Variants in KLF13 observed in about 807,000 individuals in gnomAD.
KLF13 encodes KLF transcription factor 13, also known as Krueppel-like factor 13.
Under a neutral mutation model 16.7 loss-of-function variants are expected in KLF13, and 8 were observed. The ratio of observed to expected loss-of-function variants is 0.48; its 90% CI spans 0.28 to 0.87. KLF13 has a LOEUF of 0.87. Ranked by LOEUF, KLF13 falls within the 40% of genes least tolerant of loss-of-function variation. The pLI, the probability that KLF13 is intolerant of heterozygous loss-of-function variation, is 0.10. For missense variants in KLF13, 447 were observed against 452.2 expected (o/e 0.99, Z 0.10); for synonymous variants, 245 against 208.4 (o/e 1.18, Z -1.51).
intron 1 of KLF13, among the ~76,000 whole-genome samples, chr15:31,387,378 G>A (rs976366101): frequency 3.3e-5 from 5 of 152,196 alleles, no homozygotes; most frequent in African/African-American, 1.2e-4. Context: ...AAAACTTGCT[G>A]AAGGCTTAGA....
At chr15:31,367,458 C>T (rs1472348345) in intron 1 of KLF13, among the ~76,000 whole-genome samples, 1 of 152,192 alleles carries the variant, frequency 6.6e-6, no homozygotes, top group Non-Finnish European at 1.5e-5. Flanking sequence ...CAACACCCAC[C>T]TTCCTCCACT....
chr15:31,418,747 C>A (rs2040286325), intron 1 of KLF13, among the ~76,000 whole-genome samples: 1 of 152,082 alleles, frequency 6.6e-6, no homozygotes, highest in Non-Finnish European at 1.5e-5. Flanking sequence ...GCTTTCCTAG[C>A]AGGATTTATG....
chr15:31,383,031 C>A (rs1250343114), intron 1 of KLF13, among the ~76,000 whole-genome samples: 1 of 152,182 alleles, frequency 6.6e-6, no homozygotes, highest in Non-Finnish European at 1.5e-5. Flanking sequence ...GGCCAGGGGA[C>A]CAGGGAGAAT....
At chr15:31,333,828 C>CAGTT (rs941454961) in intron 1 of KLF13, among the ~76,000 whole-genome samples, 5 of 152,182 alleles carry the variant, frequency 3.3e-5, no homozygotes, top group African/African-American at 9.7e-5. Context: ...GGCCCAAAGC[C>CAGTT]AGTTGTCTTG....
At chr15:31,421,763 C>A (rs2040327326) in intron 1 of KLF13, among the ~76,000 whole-genome samples, 1 of 151,984 alleles carries the variant, frequency 6.6e-6, no homozygotes, top group African/African-American at 2.4e-5. Flanking sequence ...AAACAATCAA[C>A]AAAATGGCAA....
intron 1 of KLF13, among the ~76,000 whole-genome samples, chr15:31,340,275 G>A (rs2038999524): frequency 6.6e-6 from 1 of 152,266 alleles, no homozygotes; most frequent in African/African-American, 2.4e-5. Flanking sequence ...CAGCAGCTGT[G>A]GCAGTTGCCA....
intron 2 of KLF13, among the ~76,000 whole-genome samples, chr15:31,398,072 G>A (rs945560083): frequency 2.6e-5 from 4 of 152,294 alleles, no homozygotes; most frequent in South Asian, 4.1e-4. Flanking sequence ...CTAGGCCTGC[G>A]TCTCTGCTCA....
At chr15:31,327,835 C>G (rs1238526149) in intron 1 of KLF13, 46 bp downstream of exon 1, 2 of 1,368,988 alleles carry the variant, frequency 1.5e-6, no homozygotes, top group Non-Finnish European at 1.9e-6. Flanking sequence ...ACGGGGTCGG[C>G]GCGAGCTGCC....
At chr15:31,417,021 T>C (rs998174585) in intron 1 of KLF13, among the ~76,000 whole-genome samples, 29 of 152,252 alleles carry the variant, frequency 1.9e-4, no homozygotes, top group African/African-American at 7.0e-4. Flanking sequence ...CGTGATTAGT[T>C]ATCATGAAAG....
At position 31,400,606 on chromosome 15, in the gene KLF13, C is replaced by A. The variant is rs147516536; in HGVS notation, n.530-2822C>A. On this transcript the variant is annotated intron_variant and non_coding_transcript_variant, in intron 2 of 2. Transcript: ENST00000500533. ...GGAGGTCAGAGCTGGGGGTGAGGTG[C>A]CCTGCAGGGAAATGGGGAGCCTTGG... Among the ~76,000 whole-genome samples, 753 of 152,050 alleles carry A rather than the reference C, an allele frequency of 5.0e-3. 9 individuals carry two copies. Among genetic ancestry groups the A allele is most frequent in the African/African-American group, 0.018 (728 of 41,460 alleles).
intron 2 of KLF13, among the ~76,000 whole-genome samples, chr15:31,401,391 C>T (rs760084872): frequency 2.0e-5 from 3 of 152,166 alleles, no homozygotes; most frequent in South Asian, 4.1e-4. Context: ...TTTTGTCCCC[C>T]GGGTGGGGTG....
chr15:31,420,620 A>C (rs1039091431), intron 1 of KLF13: 1 of 418,182 alleles, frequency 2.4e-6, no homozygotes, highest in African/African-American at 2.1e-5. Context: ...TTTTACCTTC[A>C]AGAAACCTAT....
intron 1 of KLF13, among the ~76,000 whole-genome samples, chr15:31,355,994 C>A (rs1595468801): frequency 2.0e-5 from 3 of 152,176 alleles, no homozygotes; most frequent in Admixed American, 2.0e-4. Context: ...TGCTGCATAG[C>A]CTCCTGGAAG....
At position 31,371,990 on chromosome 15, in the gene KLF13, C is replaced by T; in HGVS notation, c.578-20C>T. ...GCGGGGCCAGGTGCGGATACTGATG[C>T]TCTGCCCCTGTGCCCACAGGTGAGA... is the stretch of plus-strand genomic sequence containing the variant. On this transcript the variant is annotated intron_variant, in intron 1 of 1. Coordinates refer to ENST00000307145, the MANE Select transcript of KLF13 (RefSeq NM_015995.4). 1 of 1,584,936 alleles carries T rather than the reference C, an allele frequency of 6.3e-7. No homozygotes were observed. The highest frequency in any genetic ancestry group is 8.6e-7 in the Non-Finnish European group (1 of 1,165,646).
At chr15:31,343,606 C>T (rs1012882510) in intron 1 of KLF13, among the ~76,000 whole-genome samples, 14 of 152,136 alleles carry the variant, frequency 9.2e-5, no homozygotes, top group African/African-American at 3.1e-4. Context: ...TCTCCTGAAC[C>T]GCAGGAGCAA....
chr15:31,370,620 T>C (rs2039543186), intron 1 of KLF13, among the ~76,000 whole-genome samples: 2 of 152,084 alleles, frequency 1.3e-5, no homozygotes, highest in Admixed American at 1.3e-4. Flanking sequence ...GGTTTCACCA[T>C]GTTGGCCAGG....
In KLF13 at chr15:31,385,217, G is replaced by C. The variant is rs1052061928; in HGVS notation, n.224-50153G>C. Among the ~76,000 whole-genome samples, 9 of 152,184 alleles carry C rather than the reference G, an allele frequency of 5.9e-5. No homozygotes were observed. In the South Asian group the frequency reaches 1.9e-3, roughly 32 times the overall value. On this transcript the variant is annotated intron_variant and non_coding_transcript_variant, in intron 1 of 1. Coordinates refer to the KLF13 transcript ENST00000558921. Reference sequence around the variant, plus strand: ...TGAAAAGTAAATGTTTGTTGTTTAAGTCATCCAGTCTATAGTAATTAGTTT... The same window carrying C: ...TGAAAAGTAAATGTTTGTTGTTTAACTCATCCAGTCTATAGTAATTAGTTT...
intron 1 of KLF13, among the ~76,000 whole-genome samples, chr15:31,431,170 A>G (rs774537162): frequency 2.0e-5 from 3 of 152,190 alleles, no homozygotes; most frequent in Non-Finnish European, 4.4e-5. Context: ...TGTGGACACA[A>G]TGAGAAGATG....
rs1312075609 is a variant in KLF13 at position 31,373,299 on chromosome 15, G to A, written c.*1000G>A. ...GGGGCCTCCTCATCAGAGGGTCTGT[G>A]TGAGCGGCTGTGCATGTGGCAGCGC... On this transcript the variant is annotated 3_prime_UTR_variant, in exon 2 of 2. Transcript: ENST00000307145. 6.6e-6 allele frequency: 1 copy of A among 152,308 alleles called. No individual in the cohort carries two copies. The highest frequency in any genetic ancestry group is 6.5e-5 in the Admixed American group (1 of 15,292). The allele number at this position is 152,308 out of a possible 1,614,324, so 9.4% of individuals were successfully genotyped here.
Sources: gnomAD v4.1 joint callset for allele counts (sites outside exome capture counted in the v4.1 genomes callset) on GRCh38, gnomAD v4.1.1 for gene constraint, MANE v1.5 for transcripts, NCBI Gene and HGNC (gene_info 2026-07-23, HGNC 2026-07-21) for gene names.